RSPH1: variants seen among roughly 807,000 people sequenced by gnomAD.
RSPH1 encodes radial spoke head component 1.
RSPH1 carries 32 observed loss-of-function variants against 44.2 expected under a neutral mutation model. The observed-to-expected ratio is 0.72, with a 90% CI of 0.55 to 0.97. The LOEUF is 0.97. Ranked by LOEUF, RSPH1 falls within the 50% of genes least tolerant of loss-of-function variation. The pLI is 0.00. For synonymous variants in RSPH1, 134 were observed against 147.3 expected (o/e 0.91, Z 0.65); for missense variants, 391 against 398.7 (o/e 0.98, Z 0.16).
At chr21:42,480,640 CAAAAAAAAAAA>C (rs780506820) in intron 6 of RSPH1, among the ~76,000 whole-genome samples, 1 of 38,744 alleles carries the variant, frequency 2.6e-5, no homozygotes, top group Non-Finnish European at 4.8e-5. Flanking sequence ...AACTCCATCT[CAAAAAAAAAAA>C]AAAAAAAAAA....
intron 3 of RSPH1, among the ~76,000 whole-genome samples, chr21:42,487,915 C>T (rs79850250): frequency 0.012 from 1,855 of 152,276 alleles, 32 homozygotes; most frequent in African/African-American, 0.041. Flanking sequence ...GTGAGATGAA[C>T]GAAGAGCTGT....
chr21:42,479,642 G>A (rs903815878), intron 6 of RSPH1, among the ~76,000 whole-genome samples: 1 of 151,772 alleles, frequency 6.6e-6, no homozygotes, highest in African/African-American at 2.4e-5. Flanking sequence ...GGAAATCCCA[G>A]CAAAATACTA....
intron 8 of RSPH1, among the ~76,000 whole-genome samples, chr21:42,475,003 G>A (rs553671337): frequency 6.6e-6 from 1 of 152,232 alleles, no homozygotes; most frequent in African/African-American, 2.4e-5. Context: ...GCTGTTCCCA[G>A]ATGGCCCTTT....
intron 1 of RSPH1, among the ~76,000 whole-genome samples, chr21:42,493,448 G>C (rs1013869624): frequency 9.2e-5 from 14 of 152,154 alleles, no homozygotes; most frequent in African/African-American, 7.2e-5. Context: ...TAGTACATGC[G>C]GGTAGAACAG....
chr21:42,483,923 G>A (rs1431805340), intron 5 of RSPH1, among the ~76,000 whole-genome samples: 3 of 152,114 alleles, frequency 2.0e-5, no homozygotes, highest in East Asian at 1.9e-4. Context: ...AATTTGACAC[G>A]CTTATTGTGT....
At position 42,492,782 on chromosome 21, in the gene RSPH1, A is replaced by G. The variant is rs1456282848; in HGVS notation, c.250T>C (p.Tyr84His). The G allele has an allele frequency of 5.6e-6, 9 of 1,607,428 alleles. No homozygotes were observed. Among genetic ancestry groups the G allele is most frequent in the Non-Finnish European group, 7.7e-6 (9 of 1,173,918 alleles). Residue 84 changes from tyrosine to histidine, a missense_variant, in exon 3 of 9, where the codon TAT (tyrosine) becomes CAT (histidine). Transcript: ENST00000291536. Reference sequence around the variant, plus strand: ...CCTTCATATCTGGATCCATCTGGATATATAAAAGTGCCTTGACCGTGCTTT... The same window carrying G: ...CCTTCATATCTGGATCCATCTGGATGTATAAAAGTGCCTTGACCGTGCTTT... ...NKKHGQGTFI[Y>H]PDGSRYEGEW...
chr21:42,487,286 T>C (rs1370671354), intron 3 of RSPH1, among the ~76,000 whole-genome samples: 1 of 152,200 alleles, frequency 6.6e-6, no homozygotes. Context: ...ATCTTACAGC[T>C]CACTTAGGAA....
intron 6 of RSPH1, among the ~76,000 whole-genome samples, chr21:42,477,723 G>A (rs1211580362): frequency 6.6e-6 from 1 of 152,222 alleles, no homozygotes; most frequent in African/African-American, 2.4e-5. Context: ...GCTTTCAGAT[G>A]AGCATGTCGC....
In RSPH1 at chr21:42,472,643, A is replaced by T. The variant is rs759523332; in HGVS notation, c.*175T>A. 6.5e-5 allele frequency: 32 copies of T among 494,140 alleles called. No individual in the cohort carries two copies. Among genetic ancestry groups the T allele is most frequent in the African/African-American group, 9.9e-5 (5 of 50,476 alleles). 30.6% of individuals were successfully genotyped at this position (494,140 alleles called of 1,614,324 possible). ...TTTTGAGACAGGGTCTCGCTCTGCC[A>T]CCCAGGCTGGAGAGCAGTGGCGCGA... On this transcript the variant is annotated 3_prime_UTR_variant, in exon 9 of 9. Coordinates refer to ENST00000291536, the MANE Select transcript of RSPH1 (RefSeq NM_080860.4).
chr21:42,475,209 C>G (rs562267183), intron 8 of RSPH1, among the ~76,000 whole-genome samples: 1 of 152,298 alleles, frequency 6.6e-6, no homozygotes, highest in African/African-American at 2.4e-5. Flanking sequence ...GCAGAAGTTT[C>G]TAGATTAATC....
In RSPH1 at chr21:42,492,740, T is replaced by G. The variant is rs199679087; in HGVS notation, c.274+18A>C. 8.3e-5 allele frequency: 120 copies of G among 1,438,966 alleles called. No homozygotes were observed. In the East Asian group the frequency reaches 1.5e-3, roughly 18 times the overall value. The allele number at this position is 1,438,966 out of a possible 1,614,324, so 89.1% of individuals were successfully genotyped here. ...AAACTTCTGTAACACGAAAATCTGC[T>G]TAGTGATAACATTTTACCTTCATAT... On this transcript the variant is annotated intron_variant, in intron 3 of 8. Transcript: ENST00000291536.
At chr21:42,473,548 A>G (rs953130335) in intron 8 of RSPH1, among the ~76,000 whole-genome samples, 8 of 151,836 alleles carry the variant, frequency 5.3e-5, no homozygotes, top group Non-Finnish European at 8.8e-5. Flanking sequence ...CTATATTTAA[A>G]TGTTTTGTGA....
intron 8 of RSPH1, 107 bp from the exon 9 acceptor site, chr21:42,472,977 T>A: frequency 1.4e-6 from 1 of 729,508 alleles, no homozygotes; most frequent in Non-Finnish European, 2.2e-6. Context: ...TTGTAACTAT[T>A]AAGCATTCAT....
chr21:42,494,689 G>C lies in RSPH1; in HGVS notation c.54+1444C>G, dbSNP rs1279381884. Among the ~76,000 whole-genome samples the C allele has an allele frequency of 2.7e-5, 4 of 149,996 alleles. No homozygotes were observed. In the East Asian group the frequency reaches 5.8e-4, roughly 22 times the overall value. On this transcript the variant is annotated intron_variant, in intron 1 of 8. Coordinates refer to ENST00000291536, the MANE Select transcript of RSPH1 (RefSeq NM_080860.4). ...TGCAGGTTGGGTTCACCTAGAAACA[G>C]ACCCTGAACAAGTGATTTTTTTTTT...
intron 3 of RSPH1, among the ~76,000 whole-genome samples, chr21:42,492,469 C>G (rs545500667): frequency 6.6e-6 from 1 of 152,240 alleles, no homozygotes; most frequent in Non-Finnish European, 1.5e-5. Flanking sequence ...CCACCAGCTG[C>G]GAGGCCTGCG....
At chr21:42,477,554 T>A in intron 6 of RSPH1, 110 bp from the exon 7 acceptor site, 10 of 1,138,122 alleles carry the variant, frequency 8.8e-6, no homozygotes, top group Middle Eastern at 2.4e-4. Context: ...TTGGCTTGTG[T>A]TTCAGCCTTT....
chr21:42,473,056 A>G (rs552419073), intron 8 of RSPH1, among the ~76,000 whole-genome samples, 186 bp from the exon 9 acceptor site: 1 of 152,356 alleles, frequency 6.6e-6, no homozygotes, highest in Non-Finnish European at 1.5e-5. Flanking sequence ...GGTACCCGAC[A>G]TAAAATAAGC....
At position 42,496,172 on chromosome 21, in the gene RSPH1, G is replaced by C. The variant is rs149551571; in HGVS notation, c.15C>G (p.Gly5=). The C allele has an allele frequency of 4.3e-6, 7 of 1,614,170 alleles. No homozygotes were observed. Among genetic ancestry groups the C allele is most frequent in the Non-Finnish European group, 5.9e-6 (7 of 1,180,024 alleles). MSDL[G]SEELEEEGEN... is the part of the protein sequence containing the mutation. ...CTCCCTCCTCCTCCAACTCCTCCGA[G>C]CCCAGGTCCGACATGGTCTCGCCCC... The change falls in exon 1 of 9, where the codon GGC becomes GGG. Residue 5 remains glycine, a synonymous_variant. Transcript: ENST00000291536.
chr21:42,475,972 T>C lies in RSPH1; in HGVS notation c.803A>G (p.Asp268Gly). Residue 268 changes from aspartate (D) to glycine (G), a missense_variant, in exon 8 of 9, where the codon GAT (aspartate) becomes GGT (glycine). Asp to Gly is a moderately conservative substitution (Grantham distance 94). Coordinates refer to ENST00000291536, the MANE Select transcript of RSPH1 (RefSeq NM_080860.4). ...FEGEMDMRPG[D>G]EDADVLREES... ...TTCCCGGAGGACGTCTGCATCTTCA[T>C]CTCCAGGCCTCATGTCCATCTCACC... 2 of 1,611,852 alleles carry C rather than the reference T, an allele frequency of 1.2e-6. No individual in the cohort carries two copies. Among genetic ancestry groups the C allele is most frequent in the Non-Finnish European group, 8.5e-7 (1 of 1,179,496 alleles).
Sources: allele counts gnomAD v4.1 joint callset (sites outside exome capture counted in the v4.1 genomes callset), GRCh38; gene constraint gnomAD v4.1.1; transcripts MANE v1.5; gene names NCBI Gene and HGNC (gene_info 2026-07-23, HGNC 2026-07-21).